Variants in TMEM74 observed in about 807,000 individuals in gnomAD.
TMEM74 encodes the protein transmembrane protein 74.
Under a neutral mutation model 18.1 loss-of-function variants are expected in TMEM74, and 13 were observed. That is an observed-to-expected ratio of 0.72 (90% CI 0.47 to 1.14). The LOEUF is 1.14. TMEM74 is among the 50% of genes most tolerant of loss of function. The pLI is 0.00. For synonymous variants in TMEM74, 159 were observed against 146.6 expected, an observed-to-expected ratio of 1.08 and a Z score of -0.61; for missense variants, 372 against 375.9, an observed-to-expected ratio of 0.99 and a Z score of 0.09.
chr8:108,751,945 A>T (rs1209800695), intron 1 of TMEM74, among the ~76,000 whole-genome samples: 2 of 152,258 alleles, frequency 1.3e-5, no homozygotes, highest in African/African-American at 2.4e-5. Flanking sequence ...ACCAGATGCC[A>T]TTAGGAAACT....
Position 108,784,992 on chromosome 8 carries a change from G to C in TMEM74, c.107C>G (p.Thr36Arg), listed in dbSNP as rs200632995. ...LPGDQADTAA[T>R]RAALCCQKQC... ...TTTCTGACAGCAGAGAGCAGCTCTT[G>C]TGGCTGCTGTATCTGCCTGGTCACC... The change falls in exon 2 of 2, where the codon ACA becomes AGA. Residue 36 changes from threonine (T) to arginine (R), a missense_variant. By Grantham distance (71) the Thr-to-Arg change is moderately conservative. Coordinates refer to ENST00000297459, the MANE Select transcript of TMEM74 (RefSeq NM_153015.3). 2.5e-6 allele frequency: 4 copies of C among 1,614,148 alleles called. No homozygotes were observed. In the South Asian group the frequency reaches 4.4e-5, roughly 18 times the overall value.
intron 1 of TMEM74, among the ~76,000 whole-genome samples, chr8:108,750,460 T>C (rs1207732637): frequency 2.6e-5 from 4 of 152,102 alleles, no homozygotes; most frequent in African/African-American, 4.8e-5. Context: ...GAGAGGGCTC[T>C]TCCCTACCCA....
intron 1 of TMEM74, among the ~76,000 whole-genome samples, chr8:108,737,031 A>T: frequency 6.6e-6 from 1 of 152,172 alleles, no homozygotes; most frequent in East Asian, 1.9e-4. Context: ...ATAGAAAAGG[A>T]ACACCAGCAA....
At chr8:108,621,058 G>A (rs1362128694) in intron 2 of TMEM74, among the ~76,000 whole-genome samples, 3 of 152,124 alleles carry the variant, frequency 2.0e-5, no homozygotes, top group Non-Finnish European at 4.4e-5. Flanking sequence ...GAGATAGCAG[G>A]AAATTTCCAG....
At chr8:108,778,209 C>G (rs1001435415), downstream of TMEM74, among the ~76,000 whole-genome samples, 2 of 152,122 alleles carry the variant, frequency 1.3e-5, no homozygotes, top group Non-Finnish European at 2.9e-5. Context: ...CCCAATTCTC[C>G]TCATTTCAGG....
intron 1 of TMEM74, among the ~76,000 whole-genome samples, chr8:108,693,842 T>C (rs75583319): frequency 0.029 from 4,468 of 152,286 alleles, 123 homozygotes; most frequent in African/African-American, 0.066. Context: ...ATGGAAAGCA[T>C]CTAATCTTAT....
At chr8:108,621,467 C>T (rs1158290152) in intron 2 of TMEM74, among the ~76,000 whole-genome samples, 4 of 152,266 alleles carry the variant, frequency 2.6e-5, no homozygotes, top group Middle Eastern at 3.4e-3. Flanking sequence ...TCTAGAGAGG[C>T]CCAGGTGGGA....
intron 2 of TMEM74, among the ~76,000 whole-genome samples, chr8:108,626,312 C>T (rs1431292183): frequency 6.6e-6 from 1 of 151,932 alleles, no homozygotes; most frequent in Non-Finnish European, 1.5e-5. Flanking sequence ...CTGAATGTCC[C>T]TCTTACAATT....
chr8:108,661,378 CTTTTTTTTTTTTTT>C (rs760545466), intron 1 of TMEM74, among the ~76,000 whole-genome samples: 2 of 86,728 alleles, frequency 2.3e-5, no homozygotes, highest in South Asian at 9.8e-4. Flanking sequence ...CCTTGCAGCT[CTTTTTTTTTTTTTT>C]TTTTTTTTTC....
In TMEM74 at chr8:108,678,969, T is replaced by A. The variant is rs1037262476; in HGVS notation, n.120-23532A>T. Among the ~76,000 whole-genome samples, 17 of 142,732 alleles carry A rather than the reference T, an allele frequency of 1.2e-4. 1 individual carries two copies. Among genetic ancestry groups the A allele is most frequent in the African/African-American group, 4.4e-4 (17 of 38,982 alleles). 93.6% of individuals were successfully genotyped at this position (142,732 alleles called of 152,430 possible). A position where few individuals can be genotyped will look rare whatever the true frequency, so the allele number is the denominator to read the frequency against. Reference sequence around the variant, plus strand: ...GCGTCCATGTGTTCTCATTGTTCAATTCCCACCTATGAGTGAGAACATGTG... The same window carrying A: ...GCGTCCATGTGTTCTCATTGTTCAAATCCCACCTATGAGTGAGAACATGTG... On this transcript the variant is annotated intron_variant and non_coding_transcript_variant, in intron 1 of 3. Coordinates refer to the TMEM74 transcript ENST00000518838.
In TMEM74 at chr8:108,783,034, T is replaced by C. The variant is rs1814327562; in HGVS notation, c.*1147A>G. On this transcript the variant is annotated 3_prime_UTR_variant, in exon 2 of 2. Coordinates refer to ENST00000297459, the MANE Select transcript of TMEM74 (RefSeq NM_153015.3). ...TTGCTGAATGACATCTAGACCACTGTGAGTGGGAGGTGAGTTCTGACGATG... is the reference window on the plus strand; with the variant it reads ...TTGCTGAATGACATCTAGACCACTGCGAGTGGGAGGTGAGTTCTGACGATG... Among the ~76,000 whole-genome samples, 1 of 152,176 alleles carries C rather than the reference T, an allele frequency of 6.6e-6. No homozygotes were observed. The highest frequency in any genetic ancestry group is 1.5e-5 in the Non-Finnish European group (1 of 68,036).
chr8:108,614,514 G>A (rs956977739), intron 2 of TMEM74, among the ~76,000 whole-genome samples: 2 of 152,152 alleles, frequency 1.3e-5, no homozygotes, highest in Admixed American at 6.6e-5. Context: ...CAGAAAGAAT[G>A]ACCTAGAATA....
intron 1 of TMEM74, among the ~76,000 whole-genome samples, chr8:108,679,484 T>G (rs1813090518): frequency 6.6e-6 from 1 of 152,214 alleles, no homozygotes; most frequent in African/African-American, 2.4e-5. Context: ...TGATTTGCAT[T>G]TCCCTGATGG....
chr8:108,752,857 T>A (rs1011961422), intron 1 of TMEM74, among the ~76,000 whole-genome samples: 8 of 152,126 alleles, frequency 5.3e-5, no homozygotes, highest in African/African-American at 1.9e-4. Context: ...GTCTTTCTTG[T>A]CAGTATAACC....
chr8:108,704,225 T>C (rs1813368849), intron 1 of TMEM74, among the ~76,000 whole-genome samples: 1 of 152,238 alleles, frequency 6.6e-6, no homozygotes, highest in Non-Finnish European at 1.5e-5. Flanking sequence ...TTTCCTCCTT[T>C]CAAGTTTACT....
chr8:108,688,012 T>A (rs1813188603), intron 1 of TMEM74, among the ~76,000 whole-genome samples: 1 of 152,144 alleles, frequency 6.6e-6, no homozygotes, highest in Admixed American at 6.5e-5. Flanking sequence ...AATATGAAAT[T>A]CTTCAAGAAA....
rs1207317019 is a variant in TMEM74 at position 108,756,669 on chromosome 8, A to G, written n.119+30807T>C. ...AAGAAAGAGAAAGAAAGAAAGAAAG[A>G]AAGAAAGAAAGAAAGAAAGAAAGAA... On this transcript the variant is annotated intron_variant and non_coding_transcript_variant, in intron 1 of 3. Coordinates refer to the TMEM74 transcript ENST00000518838. 1.9e-4 allele frequency among the ~76,000 whole-genome samples: 19 copies of G among 101,998 alleles called. 1 individual carries two copies. Among genetic ancestry groups the G allele is most frequent in the Admixed American group, 3.0e-4 (3 of 10,160 alleles). The allele number at this position is 101,998 out of a possible 152,430, so 66.9% of individuals were successfully genotyped here. A position where few individuals can be genotyped will look rare whatever the true frequency, so the allele number is the denominator to read the frequency against.
intron 2 of TMEM74, among the ~76,000 whole-genome samples, chr8:108,634,253 A>C (rs961124853): frequency 5.9e-5 from 9 of 152,024 alleles, no homozygotes; most frequent in African/African-American, 1.2e-4. Flanking sequence ...CTCCATCCCC[A>C]AAAAATGGCA....
intron 1 of TMEM74, among the ~76,000 whole-genome samples, chr8:108,773,415 C>T (rs1814194737): frequency 6.6e-6 from 1 of 152,052 alleles, no homozygotes; most frequent in African/African-American, 2.4e-5. Flanking sequence ...ATATTAGCAA[C>T]ACTAAAGAAA....
Sources: allele counts gnomAD v4.1 joint callset (sites outside exome capture counted in the v4.1 genomes callset), GRCh38; gene constraint gnomAD v4.1.1; transcripts MANE v1.5; gene names NCBI Gene and HGNC (gene_info 2026-07-23, HGNC 2026-07-21).